Variants in JPH2 observed in about 807,000 individuals in gnomAD.
JPH2 encodes the protein junctophilin 2.
JPH2 carries 38 observed loss-of-function variants against 55.9 expected under a neutral mutation model. The ratio of observed to expected loss-of-function variants is 0.68; its 90% confidence interval spans 0.52 to 0.89. The LOEUF (loss-of-function observed/expected upper bound fraction) is 0.89. Among genes scored for constraint, JPH2 ranks in the 40% least tolerant of loss-of-function variants. The pLI is 0.00. For synonymous variants in JPH2, 480 were observed against 472.4 expected, an observed-to-expected ratio of 1.02 and a Z score of -0.21; for missense variants, 964 against 1,037.6, an observed-to-expected ratio of 0.93 and a Z score of 0.97.
chr20:44,108,555 A>G lies in JPH2; in HGVS notation c.*4963T>C, dbSNP rs967694365. On this transcript the variant is annotated 3_prime_UTR_variant, in exon 6 of 6. Coordinates refer to ENST00000372980, the MANE Select transcript of JPH2 (RefSeq NM_020433.5). The stretch of plus-strand genomic sequence containing the variant: ...GCTGACTTTACAGCCTCAAGATGTA[A>G]ATAGCTTTAAAAGGTCACTAAGAAG... Among the ~76,000 whole-genome samples the G allele has an allele frequency of 6.6e-6, 1 of 151,622 alleles. No homozygotes were observed. The highest frequency in any genetic ancestry group is 2.4e-5 in the African/African-American group (1 of 41,180).
Position 44,159,827 on chromosome 20 carries a change from G to A in JPH2, c.960C>T (p.Asp320=). Residue 320 remains aspartate, a synonymous_variant, in exon 2 of 6, where the codon GAC becomes GAT. Coordinates refer to ENST00000372980, the MANE Select transcript of JPH2 (RefSeq NM_020433.5). This position sits in a 1 kb window ranked among gnomAD's most constrained non-coding sequence, Gnocchi z 5.7. ...SGLRYEGEWL[D]NLRHGYGCTT... is the part of the protein sequence containing the mutation. ...TGCAGCCATAGCCGTGGCGCAGGTTGTCCAGCCACTCGCCCTCGTAGCGGA... is the reference window on the plus strand; with the variant it reads ...TGCAGCCATAGCCGTGGCGCAGGTTATCCAGCCACTCGCCCTCGTAGCGGA... 1 of 1,613,462 alleles carries A rather than the reference G, an allele frequency of 6.2e-7. No individual in the cohort carries two copies. The highest frequency in any genetic ancestry group is 8.5e-7 in the Non-Finnish European group (1 of 1,179,898).
At chr20:44,131,524 G>C (rs114827435) in intron 2 of JPH2, among the ~76,000 whole-genome samples, 40 of 152,258 alleles carry the variant, frequency 2.6e-4, no homozygotes, top group African/African-American at 9.4e-4. Context: ...CTAACACAAT[G>C]GGGATAATAA....
At chr20:44,186,284 C>T (rs1412486574) in intron 1 of JPH2, 43 bp downstream of exon 1, 5 of 1,603,612 alleles carry the variant, frequency 3.1e-6, no homozygotes, top group Non-Finnish European at 4.2e-6. Flanking sequence ...TTCTCACCCT[C>T]CCTGGCTCCA....
rs1446419157 is a variant in JPH2 at position 44,186,831 on chromosome 20, G to T, written c.-126C>A. ...CAGACTCACCACTGCACCCCAGGAG[G>T]GGGGAAGCAGGATGCCAGCAGAGGC... is the stretch of plus-strand genomic sequence containing the variant. On this transcript the variant is annotated 5_prime_UTR_variant, in exon 1 of 6. Coordinates refer to ENST00000372980, the MANE Select transcript of JPH2 (RefSeq NM_020433.5). 5 of 943,026 alleles carry T rather than the reference G, an allele frequency of 5.3e-6. No individual in the cohort carries two copies. The highest frequency in any genetic ancestry group is 2.3e-5 in the Admixed American group (1 of 44,392). 58.4% of individuals were successfully genotyped at this position (943,026 alleles called of 1,614,324 possible).
rs894196248 is a variant in JPH2, at chr20:44,160,527, C to T, written c.380-120G>A. On this transcript the variant is annotated intron_variant, in intron 1 of 5. Coordinates refer to ENST00000372980, the MANE Select transcript of JPH2 (RefSeq NM_020433.5). The surrounding 1 kb of genome is among the most constrained non-coding windows in gnomAD (Gnocchi z 4.9). ...GGGGTGGGACCGAGAGGCGCAAGGC[C>T]GTCTGAGGGTCAGGGTGCACAGTGC... is the stretch of plus-strand genomic sequence containing the variant. The T allele has an allele frequency of 6.1e-6, 6 of 989,804 alleles. No individual in the cohort carries two copies. Among genetic ancestry groups the T allele is most frequent in the Non-Finnish European group, 9.2e-6 (6 of 648,838 alleles). The allele number at this position is 989,804 out of a possible 1,614,324, so 61.3% of individuals were successfully genotyped here.
chr20:44,113,935 A>G (rs1463954564), intron 5 of JPH2, among the ~76,000 whole-genome samples: 19 of 152,220 alleles, frequency 1.2e-4, no homozygotes, highest in Admixed American at 1.2e-3. Context: ...GACTGTTTAC[A>G]TGGTGACAGC....
intron 1 of JPH2, among the ~76,000 whole-genome samples, chr20:44,175,050 A>C (rs1385532335): frequency 6.6e-6 from 1 of 152,194 alleles, no homozygotes; most frequent in East Asian, 1.9e-4. Context: ...ATTGCAAAAA[A>C]AATCCAAACA....
In JPH2 at chr20:44,159,905, C is replaced by T. The variant is rs760430061; in HGVS notation, c.882G>A (p.Glu294=). The change falls in exon 2 of 6, where the codon GAG becomes GAA. Residue 294 remains glutamate (E), a synonymous_variant. Coordinates refer to ENST00000372980, the MANE Select transcript of JPH2 (RefSeq NM_020433.5). The surrounding 1 kb of genome is among the most constrained non-coding windows in gnomAD (Gnocchi z 5.7). ...AGCCCGAGCGTTTGTCGTTCTTCCACTCGCCCATGTAGGTCTCGGTGGTGG... is the reference window on the plus strand; with the variant it reads ...AGCCCGAGCGTTTGTCGTTCTTCCATTCGCCCATGTAGGTCTCGGTGGTGG... The part of the protein sequence containing the change: ...DATTTETYMG[E]WKNDKRSGFG... 1.1e-5 allele frequency: 18 copies of T among 1,613,148 alleles called. No individual in the cohort carries two copies. Among genetic ancestry groups the T allele is most frequent in the South Asian group, 5.5e-5 (5 of 90,990 alleles).
intron 2 of JPH2, among the ~76,000 whole-genome samples, chr20:44,123,437 G>C (rs2072252778): frequency 1.3e-5 from 2 of 152,206 alleles, no homozygotes; most frequent in South Asian, 4.1e-4. Flanking sequence ...GGCTCAGCGA[G>C]CTTGCTTAAC....
Position 44,108,407 on chromosome 20 carries a change from T to A in JPH2, c.*5111A>T, listed in dbSNP as rs1226522671. Among the ~76,000 whole-genome samples the A allele has an allele frequency of 2.5e-4, 38 of 152,180 alleles. No homozygotes were observed. The highest frequency in any genetic ancestry group is 4.4e-5 in the Non-Finnish European group (3 of 68,008). ...ATGAGGATAATCATAGGAACCCCCT[T>A]GTTTGTAGCCAGTCAGTATGAACTG... On this transcript the variant is annotated 3_prime_UTR_variant, in exon 6 of 6. Coordinates refer to ENST00000372980, the MANE Select transcript of JPH2 (RefSeq NM_020433.5).
chr20:44,163,911 C>A (rs1037632475), intron 1 of JPH2, among the ~76,000 whole-genome samples: 5 of 151,976 alleles, frequency 3.3e-5, no homozygotes, highest in African/African-American at 1.2e-4. Context: ...TGACCAGCCT[C>A]AAAAAACCAA....
rs911226191 is a variant in JPH2 at position 44,109,828 on chromosome 20, A to G, written c.*3690T>C. 3.3e-5 allele frequency among the ~76,000 whole-genome samples: 5 copies of G among 152,096 alleles called. No individual in the cohort carries two copies. Among genetic ancestry groups the G allele is most frequent in the Non-Finnish European group, 7.4e-5 (5 of 68,024 alleles). On this transcript the variant is annotated 3_prime_UTR_variant, in exon 6 of 6. Coordinates refer to ENST00000372980, the MANE Select transcript of JPH2 (RefSeq NM_020433.5). ...GCCAGGTCTTCTGTGGGTCCATCAG[A>G]TTATGAAACTTCCCTTCTTGCCCGA...
At chr20:44,183,231 T>C (rs2072801738) in intron 1 of JPH2, among the ~76,000 whole-genome samples, 1 of 152,252 alleles carries the variant, frequency 6.6e-6, no homozygotes, top group African/African-American at 2.4e-5. Context: ...AAACTGAGGC[T>C]TGCTTTCTGC....
intron 2 of JPH2, among the ~76,000 whole-genome samples, chr20:44,123,015 C>A (rs1374622204): frequency 6.6e-6 from 1 of 152,128 alleles, no homozygotes; most frequent in East Asian, 1.9e-4. Context: ...GGGTTGAGGA[C>A]TCCTCAGGCA....
At chr20:44,177,825 C>T (rs2072747311) in intron 1 of JPH2, 3 of 1,590,464 alleles carry the variant, frequency 1.9e-6, no homozygotes, top group Non-Finnish European at 2.6e-6. Flanking sequence ...ATGGTTCAGG[C>T]CATCCTGAAT....
In JPH2 at chr20:44,162,686, G is replaced by T. The variant is rs564159129; in HGVS notation, c.380-2279C>A. Reference sequence around the variant, plus strand: ...GACTGGCTTCCTTGCTGCTCAGCTTGTGGACAGCCCATTGTGGGACCCTGT... The same window carrying T: ...GACTGGCTTCCTTGCTGCTCAGCTTTTGGACAGCCCATTGTGGGACCCTGT... On this transcript the variant is annotated intron_variant, in intron 1 of 5. Transcript: ENST00000372980. Among the ~76,000 whole-genome samples, 8 of 147,440 alleles carry T rather than the reference G, an allele frequency of 5.4e-5. No homozygotes were observed. In the East Asian group the frequency reaches 1.6e-3, roughly 30 times the overall value.
chr20:44,136,392 C>CGGTTG (rs2072413405), intron 2 of JPH2, among the ~76,000 whole-genome samples: 1 of 152,120 alleles, frequency 6.6e-6, no homozygotes, highest in South Asian at 2.1e-4. Context: ...TATTCTGCTC[C>CGGTTG]CTGGGTGCAA....
chr20:44,107,471 T>C lies in JPH2; in HGVS notation c.*6047A>G, dbSNP rs1215582731. ...GTGGAATATGAGCAGAAGTGATGTG[T>C]GCTGTTTTCCTGGTGAAAGTTTTTA... On this transcript the variant is annotated 3_prime_UTR_variant, in exon 6 of 6. Coordinates refer to ENST00000372980, the MANE Select transcript of JPH2 (RefSeq NM_020433.5). 6.6e-6 allele frequency among the ~76,000 whole-genome samples: 1 copy of C among 152,208 alleles called. No homozygotes were observed. The highest frequency in any genetic ancestry group is 1.5e-5 in the Non-Finnish European group (1 of 68,030).
intron 2 of JPH2, among the ~76,000 whole-genome samples, chr20:44,146,190 C>G (rs142375979): frequency 0.05 from 7,529 of 152,088 alleles, 540 homozygotes; most frequent in African/African-American, 0.16. Context: ...CCCACTGCCA[C>G]GCCCAGCTGA....
Sources: gnomAD v4.1 joint callset for allele counts (sites outside exome capture counted in the v4.1 genomes callset) on GRCh38, gnomAD v4.1.1 for gene constraint, Gnocchi (gnomAD v3.1) non-coding constraint, MANE v1.5 for transcripts, NCBI Gene and HGNC (gene_info 2026-07-23, HGNC 2026-07-21) for gene names.